The following MFF variants were observed in gnomAD, a reference collection of about 807,000 sequenced individuals.
MFF encodes chromosome 2 open reading frame 33.
MFF carries 12 observed loss-of-function variants against 36.9 expected under a neutral mutation model. That is an observed-to-expected ratio of 0.33 (90% CI 0.21 to 0.53). MFF has a LOEUF of 0.53. Among genes scored for constraint, MFF ranks in the 20% least tolerant of loss-of-function variants. MFF has a pLI of 0.95. For synonymous variants in MFF, 99 were observed against 126.2 expected (o/e 0.78, Z 1.44); for missense variants, 348 against 366.6 (o/e 0.95, Z 0.42).
intron 4 of MFF, 62 bp from the exon 5 acceptor site, chr2:227,340,230 T>A: frequency 7.3e-7 from 1 of 1,376,432 alleles, no homozygotes; most frequent in Non-Finnish European, 1.0e-6. Context: ...CTTTTGATGC[T>A]AAGCAGCTAC....
chr2:227,336,887 A>G (rs528471810), intron 4 of MFF, among the ~76,000 whole-genome samples: 1 of 152,352 alleles, frequency 6.6e-6, no homozygotes, highest in East Asian at 1.9e-4. Context: ...TAGCTATATG[A>G]CATATCCTAA....
chr2:227,339,996 T>TA (rs1203659258), intron 4 of MFF, among the ~76,000 whole-genome samples: 1 of 152,242 alleles, frequency 6.6e-6, no homozygotes, highest in Admixed American at 6.5e-5. Context: ...AAACAAATAA[T>TA]AATTGTACCA....
intron 6 of MFF, among the ~76,000 whole-genome samples, chr2:227,350,179 C>T (rs759958766): frequency 3.9e-5 from 6 of 152,032 alleles, no homozygotes; most frequent in Non-Finnish European, 5.9e-5. Context: ...GTGAGTGTTA[C>T]GCATTTGGAG....
At chr2:227,339,422 C>CA (rs772538203) in intron 4 of MFF, among the ~76,000 whole-genome samples, 1 of 152,154 alleles carries the variant, frequency 6.6e-6, no homozygotes, top group Non-Finnish European at 1.5e-5. Flanking sequence ...TAGGAAGTCT[C>CA]AAAGGCAAAG....
At chr2:227,337,360 T>C (rs1233502954) in intron 4 of MFF, among the ~76,000 whole-genome samples, 1 of 152,220 alleles carries the variant, frequency 6.6e-6, no homozygotes, top group African/African-American at 2.4e-5. Flanking sequence ...TCAGTCTACA[T>C]TGATAATTTG....
chr2:227,331,959 A>ATTTTTTTTT lies in MFF; in HGVS notation c.182-438_182-430dup, dbSNP rs10549336. On this transcript the variant is annotated intron_variant, in intron 3 of 8. Coordinates refer to ENST00000304593, the MANE Select transcript of MFF (RefSeq NM_001277062.2). Reference sequence around the variant, plus strand: ...AGTGAAATGTCAATACGCTGGAAGCATTTTTTTTTTTTTTTTTTTTTTTTT... The same window carrying ATTTTTTTTT: ...AGTGAAATGTCAATACGCTGGAAGCATTTTTTTTTTTTTTTTTTTTTTTTTTTTTTTTTT... Among the ~76,000 whole-genome samples the ATTTTTTTTT allele has an allele frequency of 1.1e-3, 84 of 76,826 alleles. 4 individuals carry two copies. Among genetic ancestry groups the ATTTTTTTTT allele is most frequent in the African/African-American group, 3.5e-3 (77 of 21,956 alleles). 50.4% of individuals were successfully genotyped at this position (76,826 alleles called of 152,430 possible).
Position 227,352,568 on chromosome 2 carries a change from C to G in MFF, c.654C>G (p.Asn218Lys). ...AAATSNPHHD[N>K]VRYGISNIDT... The stretch of plus-strand genomic sequence containing the variant: ...CCACTTCTAATCCTCATCATGACAA[C>G]GTCAGGTAAATTTTGAGACTTCGTA... The change falls in exon 7 of 9, where the codon AAC becomes AAG. Residue 218 changes from asparagine (N) to lysine (K), a missense_variant. By Grantham distance (94) the Asn-to-Lys change is moderately conservative (BLOSUM62 0). Coordinates refer to ENST00000304593, the MANE Select transcript of MFF (RefSeq NM_001277062.2). 1 of 1,613,408 alleles carries G rather than the reference C, an allele frequency of 6.2e-7. No homozygotes were observed. Among genetic ancestry groups the G allele is most frequent in the South Asian group, 1.1e-5 (1 of 91,068 alleles).
intron 8 of MFF, among the ~76,000 whole-genome samples, chr2:227,356,494 A>G (rs539046616): frequency 2.7e-4 from 41 of 152,202 alleles, no homozygotes; most frequent in Middle Eastern, 3.4e-3. Flanking sequence ...AAGGCCCCCT[A>G]CAGTAGATTA....
At chr2:227,349,265 T>C (rs541079291) in intron 6 of MFF, among the ~76,000 whole-genome samples, 4 of 152,102 alleles carry the variant, frequency 2.6e-5, no homozygotes, top group Admixed American at 6.5e-5. Flanking sequence ...TATAAAAATA[T>C]GGATTTTTTC....
intron 6 of MFF, among the ~76,000 whole-genome samples, chr2:227,349,013 A>C (rs1412728486): frequency 6.6e-6 from 1 of 152,180 alleles, no homozygotes; most frequent in Non-Finnish European, 1.5e-5. Context: ...TTTTAATTAC[A>C]ATAAGTCCTT....
intron 4 of MFF, among the ~76,000 whole-genome samples, chr2:227,340,081 T>A (rs974123288): frequency 1.3e-5 from 2 of 150,884 alleles, no homozygotes; most frequent in Admixed American, 1.3e-4. Context: ...ATCTGCATTA[T>A]AGTAAGTAGG....
chr2:227,349,327 A>C (rs1375371233), intron 6 of MFF, among the ~76,000 whole-genome samples: 1 of 152,128 alleles, frequency 6.6e-6, no homozygotes, highest in East Asian at 1.9e-4. Context: ...TAAAATCAAA[A>C]ATCGTATTAG....
chr2:227,334,250 T>C (rs191612879), intron 4 of MFF, among the ~76,000 whole-genome samples: 17 of 152,344 alleles, frequency 1.1e-4, no homozygotes, highest in Admixed American at 9.1e-4. Flanking sequence ...ATAAATGTTA[T>C]TGTTAGGAGA....
chr2:227,325,617 C>T (rs1339173565), intron 1 of MFF, 190 bp downstream of exon 1: 5 of 152,316 alleles, frequency 3.3e-5, no homozygotes, highest in Non-Finnish European at 5.9e-5. Flanking sequence ...TCCCCGGGAC[C>T]TTGAGTCCCC....
intron 4 of MFF, among the ~76,000 whole-genome samples, chr2:227,339,850 T>C (rs538377315): frequency 2.0e-5 from 3 of 152,340 alleles, no homozygotes; most frequent in South Asian, 4.1e-4. Context: ...TTTTCAAATA[T>C]TCAACCAAAT....
intron 1 of MFF, among the ~76,000 whole-genome samples, chr2:227,327,128 GT>G (rs2074213393): frequency 6.6e-6 from 1 of 151,590 alleles, no homozygotes; most frequent in Non-Finnish European, 1.5e-5. Flanking sequence ...AAAAAGTCGA[GT>G]TAAAAAAATT....
chr2:227,352,456 A>G, intron 6 of MFF, 58 bp from the exon 7 acceptor site: 1 of 1,254,784 alleles, frequency 8.0e-7, no homozygotes, highest in Non-Finnish European at 1.1e-6. Context: ...CTTTTATTTT[A>G]TTACTTCTCT....
intron 4 of MFF, among the ~76,000 whole-genome samples, chr2:227,335,171 C>CAAA (rs386392817): frequency 0.069 from 8,804 of 128,410 alleles, 770 homozygotes; most frequent in African/African-American, 0.19. Context: ...CTCTGTCTCT[C>CAAA]AAAAAAAAAA....
At chr2:227,338,545 A>G (rs1230180222) in intron 4 of MFF, among the ~76,000 whole-genome samples, 1 of 151,860 alleles carries the variant, frequency 6.6e-6, no homozygotes, top group Non-Finnish European at 1.5e-5. Context: ...AAAAACCATA[A>G]TGTCGGCCGG....
Sources: gnomAD v4.1 joint callset for allele counts (sites outside exome capture counted in the v4.1 genomes callset) on GRCh38, gnomAD v4.1.1 for gene constraint, MANE v1.5 for transcripts, NCBI Gene and HGNC (gene_info 2026-07-23, HGNC 2026-07-21) for gene names.